GRAMD4: variants seen among roughly 807,000 people sequenced by gnomAD.
GRAMD4 encodes the protein GRAM domain containing 4.
Under a neutral mutation model 83.9 loss-of-function variants are expected in GRAMD4, and 25 were observed. That is an observed-to-expected ratio of 0.30 (90% CI 0.22 to 0.42). GRAMD4 has a LOEUF of 0.42. Ranked by LOEUF, GRAMD4 falls within the 10% of genes least tolerant of loss-of-function variation. GRAMD4 has a pLI of 1.00. For missense variants in GRAMD4, 593 were observed against 788.7 expected (o/e 0.75, Z 2.97); for synonymous variants, 336 against 320.9 (o/e 1.05, Z -0.50).
upstream of GRAMD4, among the ~76,000 whole-genome samples, chr22:46,617,689 C>T (rs188314768): frequency 5.5e-3 from 835 of 152,254 alleles, 4 homozygotes; most frequent in African/African-American, 0.019. Context: ...TCCTGGGCCA[C>T]GCTGGCAAGT....
chr22:46,601,266 G>A (rs1037295497), intron 1 of GRAMD4, among the ~76,000 whole-genome samples: 11 of 152,032 alleles, frequency 7.2e-5, no homozygotes, highest in African/African-American at 9.7e-5. Context: ...GTCGGCCGCC[G>A]GGTCACACCG....
At chr22:46,613,280 G>A (rs1344027849) in intron 1 of GRAMD4, among the ~76,000 whole-genome samples, 1 of 152,256 alleles carries the variant, frequency 6.6e-6, no homozygotes, top group Non-Finnish European at 1.5e-5. Flanking sequence ...TGGCCAGCCT[G>A]GGCCTGGCTT....
At chr22:46,650,390 A>G (rs2082147281) in intron 3 of GRAMD4, among the ~76,000 whole-genome samples, 1 of 151,164 alleles carries the variant, frequency 6.6e-6, no homozygotes, top group Admixed American at 6.6e-5. Flanking sequence ...CTGGGCGTCG[A>G]GGCTGGGAGG....
chr22:46,629,971 G>A (rs1569272814), intron 2 of GRAMD4, among the ~76,000 whole-genome samples: 1 of 152,196 alleles, frequency 6.6e-6, no homozygotes, highest in Admixed American at 6.5e-5. Flanking sequence ...GGTGCCGCCT[G>A]CCTTTTTATG....
At chr22:46,626,047 G>T (rs925627645) in intron 1 of GRAMD4, among the ~76,000 whole-genome samples, 1 of 152,226 alleles carries the variant, frequency 6.6e-6, no homozygotes, top group African/African-American at 2.4e-5. Context: ...GAGGTGGTGC[G>T]ATCTGAATGT....
rs912037742 is a variant in GRAMD4, at chr22:46,621,747, C to CGGTGCA, written c.-50+1185_-50+1190dup. ...TGTGTCGCGGAGGGCACCCCTACCC[C>CGGTGCA]GGTGCAGGCGCAGGCTGGAAGTGTA... On this transcript the variant is annotated intron_variant, in intron 1 of 18. Coordinates refer to ENST00000406902, the MANE Select transcript of GRAMD4 (RefSeq NM_015124.5). The surrounding 1 kb of genome is among the most constrained non-coding windows in gnomAD (Gnocchi z 5.8). 6.6e-6 allele frequency among the ~76,000 whole-genome samples: 1 copy of CGGTGCA among 151,442 alleles called. No individual in the cohort carries two copies. The highest frequency in any genetic ancestry group is 2.5e-5 in the African/African-American group (1 of 40,800).
Position 46,658,330 on chromosome 22 carries a change from C to G in GRAMD4, c.404+23C>G, listed in dbSNP as rs368977694. On this transcript the variant is annotated intron_variant, in intron 4 of 18. Transcript: ENST00000406902. The stretch of plus-strand genomic sequence containing the variant: ...CAGGTACCGCGCCTTCCTCGGGGCC[C>G]TGGCCTGTGTGCGGCTGCCCCAACC... 5.0e-5 allele frequency: 79 copies of G among 1,581,058 alleles called. 3 individuals are homozygous for G. In the South Asian group the frequency reaches 6.6e-4, roughly 13 times the overall value.
intron 13 of GRAMD4, chr22:46,670,981 C>T (rs553041534): frequency 2.2e-5 from 8 of 359,352 alleles, no homozygotes; most frequent in Non-Finnish European, 3.8e-5. Flanking sequence ...CACTGGGCAG[C>T]GGTGACCCTG....
intron 1 of GRAMD4, among the ~76,000 whole-genome samples, chr22:46,581,295 G>A (rs188951703): frequency 7.2e-5 from 11 of 152,352 alleles, no homozygotes; most frequent in Admixed American, 6.5e-4. Context: ...GCAGGCCTGC[G>A]CTGAGTGTTT....
intron 3 of GRAMD4, among the ~76,000 whole-genome samples, chr22:46,652,452 A>G (rs1246101337): frequency 6.6e-6 from 1 of 152,194 alleles, no homozygotes; most frequent in Non-Finnish European, 1.5e-5. Context: ...CCAGAACTGT[A>G]AGAGAATACG....
chr22:46,624,665 C>T (rs1473871900), intron 1 of GRAMD4, among the ~76,000 whole-genome samples: 1 of 152,076 alleles, frequency 6.6e-6, no homozygotes, highest in Non-Finnish European at 1.5e-5. Flanking sequence ...TTTAAATTGA[C>T]TGAACCTTTA....
chr22:46,649,139 C>T (rs1056743736), intron 3 of GRAMD4, among the ~76,000 whole-genome samples: 1 of 152,224 alleles, frequency 6.6e-6, no homozygotes, highest in Non-Finnish European at 1.5e-5. Flanking sequence ...TTTATCTGTG[C>T]CACCTTTGCT....
chr22:46,635,249 C>CCA (rs2081849946), intron 2 of GRAMD4, among the ~76,000 whole-genome samples: 1 of 140,804 alleles, frequency 7.1e-6, no homozygotes, highest in Non-Finnish European at 1.5e-5. Flanking sequence ...GCCCCCACCC[C>CCA]TGGCCACTCC....
At chr22:46,626,550 G>A (rs921552890) in intron 1 of GRAMD4, among the ~76,000 whole-genome samples, 1 of 152,104 alleles carries the variant, frequency 6.6e-6, no homozygotes, top group Non-Finnish European at 1.5e-5. Flanking sequence ...GTTTTCTTTG[G>A]AAAGCTGGAC....
intron 1 of GRAMD4, among the ~76,000 whole-genome samples, chr22:46,603,313 T>C (rs530424530): frequency 6.9e-6 from 1 of 144,156 alleles, no homozygotes; most frequent in African/African-American, 2.6e-5. Flanking sequence ...GTTTACACCA[T>C]TCTCCTGCCT....
chr22:46,658,321 C>T lies in GRAMD4; in HGVS notation c.404+14C>T, dbSNP rs1490252947. The T allele has an allele frequency of 6.3e-7, 1 of 1,593,256 alleles. No individual in the cohort carries two copies. Among genetic ancestry groups the T allele is most frequent in the Non-Finnish European group, 8.5e-7 (1 of 1,171,994 alleles). On this transcript the variant is annotated intron_variant, in intron 4 of 18. Transcript: ENST00000406902. ...GCTGAAGGCCAGGTACCGCGCCTTC[C>T]TCGGGGCCCTGGCCTGTGTGCGGCT...
At chr22:46,598,433 T>G (rs1039645213) in intron 1 of GRAMD4, among the ~76,000 whole-genome samples, 1 of 152,136 alleles carries the variant, frequency 6.6e-6, no homozygotes, top group Non-Finnish European at 1.5e-5. Context: ...CGGTGTTTGT[T>G]GCCAGAGGAT....
chr22:46,582,641 G>A (rs528990723), intron 1 of GRAMD4, among the ~76,000 whole-genome samples: 1 of 152,316 alleles, frequency 6.6e-6, no homozygotes, highest in South Asian at 2.1e-4. Context: ...GGGCTGTGGA[G>A]TTGGGTAGGG....
intron 15 of GRAMD4, among the ~76,000 whole-genome samples, chr22:46,674,283 G>C (rs1028360412): frequency 1.3e-5 from 2 of 152,208 alleles, no homozygotes; most frequent in Non-Finnish European, 2.9e-5. Flanking sequence ...TGCAGAGGCA[G>C]CTGCGGAGAA....
Sources: gnomAD v4.1 joint callset for allele counts (sites outside exome capture counted in the v4.1 genomes callset) on GRCh38, gnomAD v4.1.1 for gene constraint, Gnocchi (gnomAD v3.1) non-coding constraint, MANE v1.5 for transcripts, NCBI Gene and HGNC (gene_info 2026-07-23, HGNC 2026-07-21) for gene names.